The following TNPO2 variants were observed in gnomAD, a reference collection of about 807,000 sequenced individuals.
The protein encoded by TNPO2 is transportin-2.
A neutral mutation model predicts 111.1 loss-of-function variants in TNPO2; 16 were observed. That is an observed-to-expected ratio of 0.14 (90% CI 0.10 to 0.22). TNPO2 has a LOEUF of 0.22. Among genes scored for constraint, TNPO2 ranks in the 10% least tolerant of loss-of-function variants. The probability of loss-of-function intolerance (pLI) is 1.00; values close to 1 mark genes in which losing one functional copy is unlikely to be tolerated. For synonymous variants in TNPO2, 481 were observed against 475.8 expected (o/e 1.01, Z -0.14); for missense variants, 530 against 1,173.7 (o/e 0.45, Z 8.01).
chr19:12,707,280 A>T (rs1271371395), intron 13 of TNPO2, among the ~76,000 whole-genome samples: 1 of 152,114 alleles, frequency 6.6e-6, no homozygotes, highest in East Asian at 1.9e-4. Flanking sequence ...TACAGGCGTG[A>T]GCCACCGCGC....
rs771086263 is a variant in TNPO2 at position 12,706,475 on chromosome 19, T to C, written c.1496+95A>G. The C allele has an allele frequency of 1.3e-6, 2 of 1,572,732 alleles. No individual in the cohort carries two copies. The highest frequency in any genetic ancestry group is 2.2e-5 in the South Asian group (2 of 90,100). ...AGGATCAGCCAGTACGAATACGCGA[T>C]AAATCAGTTCCACATCAACAGTCAC... is the stretch of plus-strand genomic sequence containing the variant. On this transcript the variant is annotated intron_variant, in intron 14 of 25. Coordinates refer to ENST00000425528, the MANE Select transcript of TNPO2 (RefSeq NM_001382241.1). This position sits in a 1 kb window ranked among gnomAD's most constrained non-coding sequence, Gnocchi z 7.0.
chr19:12,708,826 G>C (rs926037918), intron 13 of TNPO2, among the ~76,000 whole-genome samples: 2 of 151,530 alleles, frequency 1.3e-5, no homozygotes, highest in Non-Finnish European at 2.9e-5. Context: ...AGTCAAGATT[G>C]CGCCATTGCA....
chr19:12,706,648 A>C lies in TNPO2; in HGVS notation c.1418T>G (p.Met473Arg). ...AHWVVSQPPD[M>R]HLKPLMTELL... ...CTCTGTCATCAGGGGCTTGAGGTGCATGTCGGGTGGCTGGCTGACCACCCA... is the reference window on the plus strand; with the variant it reads ...CTCTGTCATCAGGGGCTTGAGGTGCCTGTCGGGTGGCTGGCTGACCACCCA... Residue 473 changes from methionine (M) to arginine (R), a missense_variant, in exon 14 of 26, where the codon ATG becomes AGG. Physicochemically the swap from Met to Arg is moderately conservative, Grantham distance 91 (BLOSUM62 -1). Transcript: ENST00000425528. This position sits in a 1 kb window ranked among gnomAD's most constrained non-coding sequence, Gnocchi z 7.0. 6.2e-7 allele frequency: 1 copy of C among 1,613,958 alleles called. No individual in the cohort carries two copies. The highest frequency in any genetic ancestry group is 8.5e-7 in the Non-Finnish European group (1 of 1,179,880).
chr19:12,721,198 G>T lies in TNPO2; in HGVS notation c.-13-208C>A. The T allele has an allele frequency of 7.3e-7, 1 of 1,375,558 alleles. No homozygotes were observed. Among genetic ancestry groups the T allele is most frequent in the Non-Finnish European group, 9.3e-7 (1 of 1,070,860 alleles). The allele number at this position is 1,375,558 out of a possible 1,614,324, so 85.2% of individuals were successfully genotyped here. On this transcript the variant is annotated intron_variant, in intron 2 of 25. Coordinates refer to ENST00000425528, the MANE Select transcript of TNPO2 (RefSeq NM_001382241.1). The surrounding 1 kb of genome is among the most constrained non-coding windows in gnomAD (Gnocchi z 4.9). ...CAGTCGCGGGCTCGGGAGCGCGGGA[G>T]GGGGGATGTGGAAACGGGCCACAGG...
At chr19:12,708,022 G>A (rs1429812912) in intron 13 of TNPO2, among the ~76,000 whole-genome samples, 4 of 151,998 alleles carry the variant, frequency 2.6e-5, no homozygotes, top group African/African-American at 4.8e-5. Flanking sequence ...AAGTTTCACC[G>A]TGTTAGCCAG....
rs1305465411 is a variant in TNPO2, at chr19:12,699,765, G to A, written c.*1499C>T. 6.6e-6 allele frequency: 1 copy of A among 152,278 alleles called. No homozygotes were observed. Among genetic ancestry groups the A allele is most frequent in the Non-Finnish European group, 1.5e-5 (1 of 68,016 alleles). The allele number at this position is 152,278 out of a possible 1,614,324, so 9.4% of individuals were successfully genotyped here. A position where few individuals can be genotyped will look rare whatever the true frequency, so the allele number is the denominator to read the frequency against. ...ATGGAATGTGTACTGAGTGCCCCTT[G>A]GAATAGATGCAGGGCCTGACCCTGA... is the stretch of plus-strand genomic sequence containing the variant. On this transcript the variant is annotated 3_prime_UTR_variant, in exon 26 of 26. Transcript: ENST00000425528.
rs1395155335 is a variant in TNPO2, at chr19:12,720,771, G to GA, written c.99+107dup. The GA allele has an allele frequency of 3.6e-6, 5 of 1,401,296 alleles. No homozygotes were observed. The South Asian group carries it at 7.1e-5, about 20-fold the overall frequency. The allele number at this position is 1,401,296 out of a possible 1,614,324, so 86.8% of individuals were successfully genotyped here. A position where few individuals can be genotyped will look rare whatever the true frequency, so the allele number is the denominator to read the frequency against. Reference sequence around the variant, plus strand: ...TCCAGGGCAGATCCTCCGCACAGCAGAAAAAATCTGGGGACTAGGGGAGTC... The same window carrying GA: ...TCCAGGGCAGATCCTCCGCACAGCAGAAAAAAATCTGGGGACTAGGGGAGTC... On this transcript the variant is annotated intron_variant, in intron 3 of 25. Transcript: ENST00000425528.
At position 12,709,667 on chromosome 19, in the gene TNPO2, G is replaced by GAT. The variant is rs926846394; in HGVS notation, c.1270+952_1270+953dup. On this transcript the variant is annotated intron_variant, in intron 13 of 25. Transcript: ENST00000425528. ...GTTTTTTTTTTTTTTTTTTTTGGTA[G>GAT]ATATGAGGTCTCACTATATTGCCCA... 7.1e-4 allele frequency among the ~76,000 whole-genome samples: 97 copies of GAT among 137,018 alleles called. 3 individuals carry two copies. In the South Asian group the frequency reaches 0.021, roughly 29 times the overall value. 89.9% of individuals were successfully genotyped at this position (137,018 alleles called of 152,430 possible).
At position 12,720,995 on chromosome 19, in the gene TNPO2, G is replaced by T; in HGVS notation, c.-13-5C>A. The stretch of plus-strand genomic sequence containing the variant: ...CAGTCCATGGCGCAAGGCAAGCTGC[G>T]GAGGTAGGGGCCGGGGTCAGCGCTG... On this transcript the variant is annotated splice_region_variant and splice_polypyrimidine_tract_variant and intron_variant, in intron 2 of 25. Transcript: ENST00000425528. The T allele has an allele frequency of 6.4e-7, 1 of 1,561,666 alleles. No homozygotes were observed.
chr19:12,710,576 T>C, intron 13 of TNPO2, 45 bp downstream of exon 13: 1 of 1,601,396 alleles, frequency 6.2e-7, no homozygotes, highest in Non-Finnish European at 8.5e-7. Context: ...GGGCCAGCCC[T>C]ACAGTCTCAT....
rs994799254 is a variant in TNPO2 at position 12,701,839 on chromosome 19, G to C, written c.2424C>G (p.Leu808=). The change falls in exon 23 of 26, where the codon CTC becomes CTG. Residue 808 remains leucine, a synonymous_variant. Coordinates refer to ENST00000425528, the MANE Select transcript of TNPO2 (RefSeq NM_001382241.1). This position sits in a 1 kb window ranked among gnomAD's most constrained non-coding sequence, Gnocchi z 5.0. ...QQFIRPWCTS[L]RNIRDNEEKD... The stretch of plus-strand genomic sequence containing the variant: ...TCTCCTCGTTGTCCCTGATGTTCCT[G>C]AGGGACGTGCACCTGTGGGAAGGTG... The C allele has an allele frequency of 3.7e-6, 6 of 1,612,872 alleles. No individual in the cohort carries two copies. In the African/African-American group the frequency reaches 4.0e-5, roughly 11 times the overall value.
intron 5 of TNPO2, 34 bp downstream of exon 5, chr19:12,718,995 G>A: frequency 6.2e-7 from 1 of 1,610,542 alleles, no homozygotes; most frequent in Non-Finnish European, 8.5e-7. Flanking sequence ...AGTTCAGTGT[G>A]TCCTCAGAGG....
In TNPO2 at chr19:12,705,534, C is replaced by T; in HGVS notation, c.1821G>A (p.Gln607=). The T allele has an allele frequency of 6.2e-7, 1 of 1,605,084 alleles. No homozygotes were observed. The highest frequency in any genetic ancestry group is 1.7e-4 in the Middle Eastern group (1 of 6,054). Residue 607 remains glutamine, a synonymous_variant, in exon 17 of 26, where the codon CAG becomes CAA. Transcript: ENST00000425528. This position sits in a 1 kb window ranked among gnomAD's most constrained non-coding sequence, Gnocchi z 7.2. ...TCTTCTGCACCAGGGTGACACAGCG[C>T]TGGTAGACGGGCTCACAGTAAGGCA... is the stretch of plus-strand genomic sequence containing the variant. ...GFLPYCEPVY[Q]RCVTLVQKTL...
chr19:12,720,823 T>C (rs2026641423), intron 3 of TNPO2, 56 bp downstream of exon 3: 1 of 1,534,194 alleles, frequency 6.5e-7, no homozygotes, highest in Non-Finnish European at 8.8e-7. Flanking sequence ...TCTCTGGCCT[T>C]TGGAAACTGC....
chr19:12,702,439 G>A lies in TNPO2; in HGVS notation c.2306-262C>T, dbSNP rs2025376344. 1 of 628,272 alleles carries A rather than the reference G, an allele frequency of 1.6e-6. No homozygotes were observed. The highest frequency in any genetic ancestry group is 1.6e-5 in the South Asian group (1 of 64,188). 38.9% of individuals were successfully genotyped at this position (628,272 alleles called of 1,614,324 possible). A position where few individuals can be genotyped will look rare whatever the true frequency, so the allele number is the denominator to read the frequency against. Reference sequence around the variant, plus strand: ...AGATGGAGTCTTGCTCTGTTGCCCAGGCTGGAGTGCAGTGGCATGATCTTG... The same window carrying A: ...AGATGGAGTCTTGCTCTGTTGCCCAAGCTGGAGTGCAGTGGCATGATCTTG... On this transcript the variant is annotated intron_variant, in intron 21 of 25. Coordinates refer to ENST00000425528, the MANE Select transcript of TNPO2 (RefSeq NM_001382241.1). This position sits in a 1 kb window ranked among gnomAD's most constrained non-coding sequence, Gnocchi z 5.5.
chr19:12,715,233 A>G lies in TNPO2; in HGVS notation c.648+10T>C, dbSNP rs1387578430. On this transcript the variant is annotated intron_variant, in intron 8 of 25. Transcript: ENST00000425528. The surrounding 1 kb of genome is among the most constrained non-coding windows in gnomAD (Gnocchi z 7.1). ...TCCTCGCCCTGCCCACCCCCAGCCC[A>G]GCGGCCCACCTCGATGAAGGTGTCA... The G allele has an allele frequency of 6.2e-7, 1 of 1,613,688 alleles. No individual in the cohort carries two copies. Among genetic ancestry groups the G allele is most frequent in the Non-Finnish European group, 8.5e-7 (1 of 1,179,764 alleles).
intron 13 of TNPO2, among the ~76,000 whole-genome samples, chr19:12,709,190 T>C (rs756902271): frequency 7.3e-5 from 11 of 151,692 alleles, no homozygotes; most frequent in Non-Finnish European, 1.5e-4. Flanking sequence ...TGAAACCCTG[T>C]CTCTACTAAA....
At chr19:12,714,737 G>A (rs1409327797) in intron 10 of TNPO2, 84 bp downstream of exon 10, 1 of 1,053,094 alleles carries the variant, frequency 9.5e-7, no homozygotes, top group Non-Finnish European at 1.5e-6. Context: ...ACTGAGAGAA[G>A]CACAGCAGGT....
At chr19:12,709,782 C>T (rs2145533365) in intron 13 of TNPO2, among the ~76,000 whole-genome samples, 1 of 151,994 alleles carries the variant, frequency 6.6e-6, no homozygotes, top group South Asian at 2.1e-4. Flanking sequence ...CACACCTGGC[C>T]TTTTTAAAAA....
Sources: allele counts gnomAD v4.1 joint callset (sites outside exome capture counted in the v4.1 genomes callset), GRCh38; gene constraint gnomAD v4.1.1; non-coding constraint Gnocchi (gnomAD v3.1); transcripts MANE v1.5; gene names NCBI Gene and HGNC (gene_info 2026-07-23, HGNC 2026-07-21).